Variants in SMAP2 observed in about 807,000 individuals in gnomAD.
SMAP2 encodes stromal membrane-associated protein 2.
A neutral mutation model predicts 56.4 loss-of-function variants in SMAP2; 25 were observed. The ratio of observed to expected loss-of-function variants is 0.44; its 90% CI spans 0.32 to 0.62. The LOEUF is 0.62. SMAP2 is among the 20% of genes least tolerant of loss of function. SMAP2 has a pLI of 0.04. For missense variants in SMAP2, 388 were observed against 545.6 expected (o/e 0.71, Z 2.88); for synonymous variants, 157 against 181.7 (o/e 0.86, Z 1.09).
At chr1:40,414,648 G>A (rs1048218784) in intron 6 of SMAP2, among the ~76,000 whole-genome samples, 4 of 152,160 alleles carry the variant, frequency 2.6e-5, no homozygotes, top group Non-Finnish European at 4.4e-5. Context: ...GGCACATACT[G>A]AGCCCTCCAT....
At chr1:40,349,991 G>A (rs1644403587) in intron 1 of SMAP2, among the ~76,000 whole-genome samples, 1 of 152,164 alleles carries the variant, frequency 6.6e-6, no homozygotes, top group Non-Finnish European at 1.5e-5. Flanking sequence ...ACAGAGTCAA[G>A]GTTGGCTAGG....
chr1:40,362,795 G>C (rs1644464847), intron 2 of SMAP2, among the ~76,000 whole-genome samples: 1 of 152,100 alleles, frequency 6.6e-6, no homozygotes, highest in African/African-American at 2.4e-5. Flanking sequence ...CCAGAAAATA[G>C]AGCATTCAAC....
At position 40,375,567 on chromosome 1, in the gene SMAP2, T is replaced by C. The variant is rs75769798; in HGVS notation, c.103+1344T>C. Among the ~76,000 whole-genome samples the C allele has an allele frequency of 2.2e-4, 34 of 152,352 alleles. No individual in the cohort carries two copies. In the East Asian group the frequency reaches 6.2e-3, roughly 28 times the overall value. ...TTAGGAAAACAAATTCCTAGACTTC[T>C]TTCCTGAATTTTTGCATTAGCAATA... On this transcript the variant is annotated intron_variant, in intron 1 of 9. Coordinates refer to ENST00000372718, the MANE Select transcript of SMAP2 (RefSeq NM_022733.3).
At chr1:40,357,686 T>C (rs1275645140) in intron 1 of SMAP2, among the ~76,000 whole-genome samples, 1 of 152,204 alleles carries the variant, frequency 6.6e-6, no homozygotes, top group Non-Finnish European at 1.5e-5. Context: ...AGAGACTGTT[T>C]TTTCCCCAGT....
At chr1:40,375,462 AAGG>A in intron 1 of SMAP2, among the ~76,000 whole-genome samples, 1 of 152,336 alleles carries the variant, frequency 6.6e-6, no homozygotes, top group African/African-American at 2.4e-5. Context: ...AAGGTTATAA[AAGG>A]AGAACAGGGG....
intron 1 of SMAP2, among the ~76,000 whole-genome samples, chr1:40,355,685 C>T (rs1047345190): frequency 2.6e-5 from 4 of 151,996 alleles, no homozygotes; most frequent in African/African-American, 9.7e-5. Context: ...GCAGTGGCAC[C>T]GGTCAGGGCT....
Position 40,401,756 on chromosome 1 carries a change from A to G in SMAP2, c.104-4980A>G, listed in dbSNP as rs150998363. Among the ~76,000 whole-genome samples, 544 of 152,246 alleles carry G rather than the reference A, an allele frequency of 3.6e-3. 3 individuals carry two copies. The highest frequency in any genetic ancestry group is 0.012 in the African/African-American group (518 of 41,538). Reference sequence around the variant, plus strand: ...GTTGGATATTACGTATATGCTTTTCATTTTACAAATGGAGACATAAGCCCT... The same window carrying G: ...GTTGGATATTACGTATATGCTTTTCGTTTTACAAATGGAGACATAAGCCCT... On this transcript the variant is annotated intron_variant, in intron 1 of 9. Coordinates refer to ENST00000372718, the MANE Select transcript of SMAP2 (RefSeq NM_022733.3).
chr1:40,419,281 T>C (rs76099833), intron 9 of SMAP2, among the ~76,000 whole-genome samples: 9 of 8,358 alleles, frequency 1.1e-3, no homozygotes, highest in African/African-American at 2.5e-3. Flanking sequence ...TCTTCCTTTC[T>C]TTTTTTTTTT....
Position 40,374,964 on chromosome 1 carries a change from G to A in SMAP2, c.103+741G>A, listed in dbSNP as rs1644528546. Reference sequence around the variant, plus strand: ...GCAGGATCCGTTTAATCAGTGGAGAGAGAAAGATGAATTCGATGAATTCAT... The same window carrying A: ...GCAGGATCCGTTTAATCAGTGGAGAAAGAAAGATGAATTCGATGAATTCAT... On this transcript the variant is annotated intron_variant, in intron 1 of 9. Coordinates refer to ENST00000372718, the MANE Select transcript of SMAP2 (RefSeq NM_022733.3). This position sits in a 1 kb window ranked among gnomAD's most constrained non-coding sequence, Gnocchi z 5.9. 3.8e-5 allele frequency: 37 copies of A among 985,240 alleles called. No individual in the cohort carries two copies. Among genetic ancestry groups the A allele is most frequent in the Non-Finnish European group, 4.2e-5 (35 of 829,922 alleles). 61.0% of individuals were successfully genotyped at this position (985,240 alleles called of 1,614,324 possible). A position where few individuals can be genotyped will look rare whatever the true frequency, so the allele number is the denominator to read the frequency against.
chr1:40,352,240 AG>A (rs1644411900), intron 1 of SMAP2, among the ~76,000 whole-genome samples: 2 of 152,132 alleles, frequency 1.3e-5, no homozygotes, highest in Admixed American at 1.3e-4. Flanking sequence ...TAATGATATT[AG>A]GAACAGGGTG....
chr1:40,351,047 C>T (rs1004098436), intron 1 of SMAP2, among the ~76,000 whole-genome samples: 1 of 152,166 alleles, frequency 6.6e-6, no homozygotes, highest in Non-Finnish European at 1.5e-5. Flanking sequence ...AAGGACCTGT[C>T]GTAGACAAGA....
chr1:40,357,243 T>C (rs1194693844), intron 1 of SMAP2, among the ~76,000 whole-genome samples: 2 of 152,042 alleles, frequency 1.3e-5, no homozygotes, highest in Admixed American at 6.6e-5. Context: ...TCACCTGAGG[T>C]CAGGAGTTCG....
At chr1:40,357,887 C>T (rs1028962383) in intron 1 of SMAP2, among the ~76,000 whole-genome samples, 2 of 151,834 alleles carry the variant, frequency 1.3e-5, no homozygotes, top group Non-Finnish European at 2.9e-5. Flanking sequence ...TCTTTTTGCT[C>T]AGGATAGCTT....
At chr1:40,363,559 C>A (rs1279989266) in intron 2 of SMAP2, among the ~76,000 whole-genome samples, 1 of 151,914 alleles carries the variant, frequency 6.6e-6, no homozygotes, top group Non-Finnish European at 1.5e-5. Context: ...AAATAGAAGA[C>A]CTCACCAATT....
chr1:40,414,488 GTTAC>G (rs571485521), intron 6 of SMAP2, among the ~76,000 whole-genome samples: 64 of 152,338 alleles, frequency 4.2e-4, no homozygotes, highest in African/African-American at 1.5e-3. Flanking sequence ...GTCGCTCTGT[GTTAC>G]TTACTGTCTG....
chr1:40,387,883 G>T (rs957042695), intron 1 of SMAP2, among the ~76,000 whole-genome samples: 19 of 151,932 alleles, frequency 1.3e-4, no homozygotes, highest in Admixed American at 1.2e-3. Context: ...GGGGCTGTGT[G>T]CCGCACTTGT....
Position 40,408,404 on chromosome 1 carries a change from C to T in SMAP2, c.238-249C>T, listed in dbSNP as rs1038338785. Among the ~76,000 whole-genome samples the T allele has an allele frequency of 2.6e-5, 4 of 152,116 alleles. No individual in the cohort carries two copies. The highest frequency in any genetic ancestry group is 9.7e-5 in the African/African-American group (4 of 41,398). On this transcript the variant is annotated intron_variant, in intron 2 of 9. Transcript: ENST00000372718. This position sits in a 1 kb window ranked among gnomAD's most constrained non-coding sequence, Gnocchi z 4.3. The stretch of plus-strand genomic sequence containing the variant: ...TGATTTATTACTGAATTGAATGTAT[C>T]TTGGTACACAAATATTTCAGTAAAA...
chr1:40,413,962 C>T, intron 5 of SMAP2, 197 bp from the exon 6 acceptor site: 1 of 549,364 alleles, frequency 1.8e-6, no homozygotes, highest in Non-Finnish European at 3.3e-6. Flanking sequence ...CTTTGTTTTT[C>T]ATTTTAGGTT....
chr1:40,375,104 G>C, intron 1 of SMAP2: 4 of 985,150 alleles, frequency 4.1e-6, no homozygotes, highest in Non-Finnish European at 4.8e-6. Flanking sequence ...ACAATTAAAA[G>C]TCAGTACAAT....
Sources: gnomAD v4.1 joint callset for allele counts (sites outside exome capture counted in the v4.1 genomes callset) on GRCh38, gnomAD v4.1.1 for gene constraint, Gnocchi (gnomAD v3.1) non-coding constraint, MANE v1.5 for transcripts, NCBI Gene and HGNC (gene_info 2026-07-23, HGNC 2026-07-21) for gene names.